Variants in HEMK2 observed in about 807,000 individuals in gnomAD.
The protein encoded by HEMK2 is methyltransferase HEMK2.
At chr21:28,588,035 C>G in the HEMK2 span, among the ~76,000 whole-genome samples, 1 of 152,186 alleles carries the variant, frequency 6.6e-6, no homozygotes, top group African/African-American at 2.4e-5. Flanking sequence ...GGTGTTCTCT[C>G]TTCTTCCCCA....
chr21:28,852,658 A>G, the HEMK2 span, among the ~76,000 whole-genome samples: 1 of 152,168 alleles, frequency 6.6e-6, no homozygotes, highest in African/African-American at 2.4e-5. Flanking sequence ...CCTCTCCTTC[A>G]TTCAAGGGGT....
chr21:28,842,813 T>C, the HEMK2 span, among the ~76,000 whole-genome samples: 1 of 152,136 alleles, frequency 6.6e-6, no homozygotes, highest in East Asian at 1.9e-4. Flanking sequence ...GAAGATTTCC[T>C]CCTCTGATTG....
chr21:28,796,307 T>C, the HEMK2 span, among the ~76,000 whole-genome samples: 1 of 152,022 alleles, frequency 6.6e-6, no homozygotes. Flanking sequence ...GTCCGGCTAA[T>C]TTTTGTATTT....
At chr21:28,842,612 C>T in the HEMK2 span, among the ~76,000 whole-genome samples, 14 of 152,112 alleles carry the variant, frequency 9.2e-5, no homozygotes, top group Non-Finnish European at 2.1e-4. Flanking sequence ...AAAGCCATTA[C>T]TCCTTCTCCC....
chr21:28,641,579 A>C, the HEMK2 span, among the ~76,000 whole-genome samples: 27 of 152,320 alleles, frequency 1.8e-4, no homozygotes, highest in South Asian at 5.4e-3. Flanking sequence ...GATTTACCCC[A>C]ATCTTCTGGA....
the HEMK2 span, among the ~76,000 whole-genome samples, chr21:28,604,582 T>C: frequency 6.6e-6 from 1 of 151,980 alleles, no homozygotes. Flanking sequence ...TTATTCCACA[T>C]TGACCAGTAA....
At chr21:28,613,980 C>T in the HEMK2 span, among the ~76,000 whole-genome samples, 1 of 152,064 alleles carries the variant, frequency 6.6e-6, no homozygotes, top group Non-Finnish European at 1.5e-5. Flanking sequence ...GTTTTCTTCA[C>T]TGTGGGAATA....
the HEMK2 span, among the ~76,000 whole-genome samples, chr21:28,831,463 G>GAAAAGAAAGA: frequency 2.9e-3 from 32 of 10,874 alleles, 1 homozygote; most frequent in Admixed American, 5.1e-3. Context: ...AGAAAAGAAC[G>GAAAAGAAAGA]AAAGAAAGAA....
the HEMK2 span, among the ~76,000 whole-genome samples, chr21:28,602,212 T>G: frequency 1.3e-5 from 2 of 152,242 alleles, no homozygotes; most frequent in Non-Finnish European, 2.9e-5. Context: ...GACTGTGTTT[T>G]TTAAATTACT....
chr21:28,856,789 G>C, the HEMK2 span, among the ~76,000 whole-genome samples: 1 of 152,236 alleles, frequency 6.6e-6, no homozygotes, highest in Non-Finnish European at 1.5e-5. Flanking sequence ...TGCAACCTGC[G>C]TATCAGGAGA....
At chr21:28,769,259 CT>C in the HEMK2 span, among the ~76,000 whole-genome samples, 2 of 152,050 alleles carry the variant, frequency 1.3e-5, no homozygotes, top group Non-Finnish European at 2.9e-5. Context: ...GGCATTACCC[CT>C]AGATGATGTG....
the HEMK2 span, among the ~76,000 whole-genome samples, chr21:28,848,394 T>C: frequency 6.6e-6 from 1 of 152,090 alleles, no homozygotes; most frequent in Non-Finnish European, 1.5e-5. Context: ...TACAATATTA[T>C]CAACAAAAAG....
At chr21:28,670,691 G>A in the HEMK2 span, among the ~76,000 whole-genome samples, 1 of 152,190 alleles carries the variant, frequency 6.6e-6, no homozygotes, top group Non-Finnish European at 1.5e-5. Flanking sequence ...AATTTATAAA[G>A]CAAAGAGGTT....
At chr21:28,824,339 T>C in the HEMK2 span, among the ~76,000 whole-genome samples, 1 of 152,244 alleles carries the variant, frequency 6.6e-6, no homozygotes, top group Non-Finnish European at 1.5e-5. Context: ...CTATCTGAAG[T>C]GGTCAGATAC....
the HEMK2 span, among the ~76,000 whole-genome samples, chr21:28,591,322 CT>C: frequency 6.6e-6 from 1 of 152,150 alleles, no homozygotes; most frequent in African/African-American, 2.4e-5. Flanking sequence ...CATATATATG[CT>C]GTTGCCAATC....
At chr21:28,605,294 C>T in the HEMK2 span, among the ~76,000 whole-genome samples, 2 of 152,170 alleles carry the variant, frequency 1.3e-5, no homozygotes, top group Admixed American at 1.3e-4. Context: ...ATATTGAAAG[C>T]GGAAGAAGAA....
the HEMK2 span, among the ~76,000 whole-genome samples, chr21:28,607,649 C>A: frequency 5.9e-5 from 9 of 152,202 alleles, no homozygotes; most frequent in Admixed American, 6.5e-5. Flanking sequence ...GTAAACTTCA[C>A]GGAGGCAGAA....
chr21:28,647,425 T>C, the HEMK2 span, among the ~76,000 whole-genome samples: 1 of 149,192 alleles, frequency 6.7e-6, no homozygotes, highest in Admixed American at 6.7e-5. Flanking sequence ...GGAGAATTGC[T>C]TGAAACTGGA....
At chr21:28,678,857 T>C in the HEMK2 span, among the ~76,000 whole-genome samples, 2,543 of 152,254 alleles carry the variant, frequency 0.017, 73 homozygotes, top group African/African-American at 0.056. Flanking sequence ...GAGATTTTGT[T>C]ACCACCAGGC....
Sources: gnomAD v4.1 joint callset for allele counts (sites outside exome capture counted in the v4.1 genomes callset) on GRCh38, gnomAD v4.1.1 for gene constraint, MANE v1.5 for transcripts, NCBI Gene and HGNC (gene_info 2026-07-23, HGNC 2026-07-21) for gene names.